The following MAP3K1 variants were observed in gnomAD, a reference collection of about 807,000 sequenced individuals.
MAP3K1 encodes the protein mitogen-activated protein kinase kinase kinase 1, also known as MAP/ERK kinase kinase 1.
In MAP3K1, 36 loss-of-function variants were observed where a neutral mutation model predicts 144.2. The observed-to-expected ratio is 0.25, with a 90% CI of 0.19 to 0.33. The LOEUF (loss-of-function observed/expected upper bound fraction) is 0.33. MAP3K1 is among the 10% of genes least tolerant of loss of function. MAP3K1 has a pLI of 1.00. For synonymous variants in MAP3K1, 718 were observed against 688.7 expected (o/e 1.04, Z -0.67); for missense variants, 1,650 against 1,881.9 (o/e 0.88, Z 2.28).
Position 56,882,691 on chromosome 5 carries a change from A to C in MAP3K1, c.3491A>C (p.Asp1164Ala). Residue 1164 changes from aspartate to alanine, a missense_variant, in exon 14 of 20, where the codon GAT becomes GCT. By Grantham distance (126) the Asp-to-Ala change is moderately radical (BLOSUM62 -2). Transcript: ENST00000399503. ...AVLSPEKAENDDTYKDDVNHN... is the reference protein window; with the variant it reads ...AVLSPEKAENADTYKDDVNHN... The stretch of plus-strand genomic sequence containing the variant: ...CTGTCTCCTGAAAAGGCTGAAAATG[A>C]TGATACCTACAAAGATGATGTGAAT... 1 of 1,614,134 alleles carries C rather than the reference A, an allele frequency of 6.2e-7. No homozygotes were observed. The highest frequency in any genetic ancestry group is 8.5e-7 in the Non-Finnish European group (1 of 1,180,016).
In MAP3K1 at chr5:56,844,194, T is replaced by TTG. The variant is rs1554031944; in HGVS notation, c.483-12405_483-12404insGT. On this transcript the variant is annotated intron_variant, in intron 1 of 19. Coordinates refer to ENST00000399503, the MANE Select transcript of MAP3K1 (RefSeq NM_005921.2). ...GATTGTTTTTTTTGGTTTTTTTTTT[T>TTG]TTTTTTTTTTTTTGAGACAGAGTCT... Among the ~76,000 whole-genome samples, 6 of 136,320 alleles carry TTG rather than the reference T, an allele frequency of 4.4e-5. No individual in the cohort carries two copies. In the East Asian group the frequency reaches 1.0e-3, roughly 23 times the overall value. The allele number at this position is 136,320 out of a possible 152,430, so 89.4% of individuals were successfully genotyped here.
intron 1 of MAP3K1, among the ~76,000 whole-genome samples, chr5:56,829,004 A>G (rs1449801632): frequency 6.6e-6 from 1 of 152,158 alleles, no homozygotes. Flanking sequence ...GTTGACAGCT[A>G]CTAGAAAATG....
At chr5:56,826,611 C>A (rs534727802) in intron 1 of MAP3K1, among the ~76,000 whole-genome samples, 1 of 152,352 alleles carries the variant, frequency 6.6e-6, no homozygotes, top group South Asian at 2.1e-4. Context: ...ACGATGTAAG[C>A]ATCACAAGAT....
At chr5:56,839,987 T>G (rs1467050550) in intron 1 of MAP3K1, among the ~76,000 whole-genome samples, 2 of 152,204 alleles carry the variant, frequency 1.3e-5, no homozygotes, top group Admixed American at 6.5e-5. Context: ...TCTAGAAGTT[T>G]GGTGATGTTT....
chr5:56,847,853 G>A (rs1277538782), intron 1 of MAP3K1, among the ~76,000 whole-genome samples: 1 of 152,110 alleles, frequency 6.6e-6, no homozygotes, highest in African/African-American at 2.4e-5. Flanking sequence ...TGTTCCAGTG[G>A]TGTCTGAAAT....
rs1329673504 is a variant in MAP3K1 at position 56,815,591 on chromosome 5, G to C, written c.18G>C (p.Gly6=). Reference sequence around the variant, plus strand: ...GAGAGAAAATGGCGGCGGCGGCGGGGAATCGCGCCTCGTCGTCGGGATTCC... The same window carrying C: ...GAGAGAAAATGGCGGCGGCGGCGGGCAATCGCGCCTCGTCGTCGGGATTCC... MAAAA[G]NRASSSGFPG... is the part of the protein sequence containing the mutation. Residue 6 remains glycine, a synonymous_variant, in exon 1 of 20, where the codon GGG becomes GGC. Transcript: ENST00000399503. 3.1e-6 allele frequency: 4 copies of C among 1,297,076 alleles called. No homozygotes were observed. Among genetic ancestry groups the C allele is most frequent in the African/African-American group, 3.1e-5 (2 of 64,290 alleles). The allele number at this position is 1,297,076 out of a possible 1,614,324, so 80.3% of individuals were successfully genotyped here.
rs1334509281 is a variant in MAP3K1 at position 56,815,866 on chromosome 5, C to G, written c.293C>G (p.Ala98Gly). 11 of 1,393,610 alleles carry G rather than the reference C, an allele frequency of 7.9e-6. No individual in the cohort carries two copies. In the Admixed American group the frequency reaches 2.9e-4, roughly 36 times the overall value. The allele number at this position is 1,393,610 out of a possible 1,614,324, so 86.3% of individuals were successfully genotyped here. A position where few individuals can be genotyped will look rare whatever the true frequency, so the allele number is the denominator to read the frequency against. ...STSPSPEPAD[A>G]AGSGTGFQPV... The stretch of plus-strand genomic sequence containing the variant: ...TCCCCGTCGCCGGAGCCCGCGGACG[C>G]AGCGGGGAGTGGGACCGGCTTCCAG... The change falls in exon 1 of 20, where the codon GCA becomes GGA. Residue 98 changes from alanine to glycine, a missense_variant. Physicochemically the swap from Ala to Gly is moderately conservative, Grantham distance 60. Transcript: ENST00000399503.
At chr5:56,864,378 C>CT (rs11331657) in intron 3 of MAP3K1, among the ~76,000 whole-genome samples, 63 of 117,232 alleles carry the variant, frequency 5.4e-4, no homozygotes, top group East Asian at 2.2e-3. Flanking sequence ...ATAATAGTTT[C>CT]TTTTTTTTTT....
intron 6 of MAP3K1, among the ~76,000 whole-genome samples, chr5:56,868,673 C>A (rs923900316): frequency 6.6e-6 from 1 of 152,142 alleles, no homozygotes; most frequent in Non-Finnish European, 1.5e-5. Flanking sequence ...CGTGAGCCAC[C>A]GCGCCCGGCC....
chr5:56,838,119 A>C (rs950034028), intron 1 of MAP3K1, among the ~76,000 whole-genome samples: 8 of 152,230 alleles, frequency 5.3e-5, no homozygotes, highest in Non-Finnish European at 1.2e-4. Context: ...TTTCAGGTTG[A>C]TAACTTTGGT....
chr5:56,888,902 G>A (rs1748463599), intron 19 of MAP3K1, among the ~76,000 whole-genome samples: 1 of 152,190 alleles, frequency 6.6e-6, no homozygotes, highest in Admixed American at 6.5e-5. Flanking sequence ...GTATTTCCAG[G>A]AGTTGATATT....
At chr5:56,844,192 T>G (rs890803797) in intron 1 of MAP3K1, among the ~76,000 whole-genome samples, 3 of 134,782 alleles carry the variant, frequency 2.2e-5, no homozygotes, top group South Asian at 2.5e-4. Context: ...GGTTTTTTTT[T>G]TTTTTTTTTT....
At chr5:56,861,041 A>G (rs1183623858) in intron 3 of MAP3K1, among the ~76,000 whole-genome samples, 2 of 152,238 alleles carry the variant, frequency 1.3e-5, no homozygotes, top group Non-Finnish European at 2.9e-5. Flanking sequence ...ATGCTGTATA[A>G]TGAAATATGT....
rs1384726650 is a variant in MAP3K1, at chr5:56,895,546, A to C, written c.*1866A>C. The C allele has an allele frequency of 4.3e-6, 1 of 232,056 alleles. No individual in the cohort carries two copies. Among genetic ancestry groups the C allele is most frequent in the African/African-American group, 2.2e-5 (1 of 45,296 alleles). The allele number at this position is 232,056 out of a possible 1,614,324, so 14.4% of individuals were successfully genotyped here. A position where few individuals can be genotyped will look rare whatever the true frequency, so the allele number is the denominator to read the frequency against. On this transcript the variant is annotated 3_prime_UTR_variant, in exon 20 of 20. Coordinates refer to ENST00000399503, the MANE Select transcript of MAP3K1 (RefSeq NM_005921.2). ...TGTATAAACTGAGGAACCTCAGCTAATCAGTATTACTTTGTAGATCACCAT... is the reference window on the plus strand; with the variant it reads ...TGTATAAACTGAGGAACCTCAGCTACTCAGTATTACTTTGTAGATCACCAT...
rs941132870 is a variant in MAP3K1 at position 56,893,953 on chromosome 5, A to G, written c.*273A>G. 2.1e-6 allele frequency: 1 copy of G among 483,294 alleles called. No homozygotes were observed. The highest frequency in any genetic ancestry group is 3.4e-5 in the East Asian group (1 of 29,492). 29.9% of individuals were successfully genotyped at this position (483,294 alleles called of 1,614,324 possible). On this transcript the variant is annotated 3_prime_UTR_variant, in exon 20 of 20. Transcript: ENST00000399503. ...GGAAAACAATGAAGTTTGCATGACTAAATTGCAGAAGCATAATTTTATTTT... is the reference window on the plus strand; with the variant it reads ...GGAAAACAATGAAGTTTGCATGACTGAATTGCAGAAGCATAATTTTATTTT...
intron 17 of MAP3K1, 97 bp from the exon 18 acceptor site, chr5:56,887,281 T>G: frequency 2.6e-6 from 3 of 1,170,496 alleles, no homozygotes; most frequent in South Asian, 2.5e-5. Context: ...ACTTCTTTCT[T>G]TTGTCATTGT....
In MAP3K1 at chr5:56,896,078, A is replaced by G. The variant is rs1044907713; in HGVS notation, c.*2398A>G. On this transcript the variant is annotated 3_prime_UTR_variant, in exon 20 of 20. Coordinates refer to ENST00000399503, the MANE Select transcript of MAP3K1 (RefSeq NM_005921.2). Reference sequence around the variant, plus strand: ...ATATTTTAATTAAAATTTTTACCCCATTGAACCGATTTTATAGTATTTGTA... The same window carrying G: ...ATATTTTAATTAAAATTTTTACCCCGTTGAACCGATTTTATAGTATTTGTA... 12 of 227,526 alleles carry G rather than the reference A, an allele frequency of 5.3e-5. No individual in the cohort carries two copies. The highest frequency in any genetic ancestry group is 2.7e-4 in the African/African-American group (12 of 44,942). 14.1% of individuals were successfully genotyped at this position (227,526 alleles called of 1,614,324 possible).
At chr5:56,819,717 C>T (rs1581202631) in intron 1 of MAP3K1, among the ~76,000 whole-genome samples, 1 of 152,210 alleles carries the variant, frequency 6.6e-6, no homozygotes, top group African/African-American at 2.4e-5. Flanking sequence ...CTAGAGGCTG[C>T]TTAGGAACTG....
At chr5:56,863,505 A>G (rs935610669) in intron 3 of MAP3K1, among the ~76,000 whole-genome samples, 5 of 152,210 alleles carry the variant, frequency 3.3e-5, no homozygotes, top group Non-Finnish European at 5.9e-5. Flanking sequence ...TTGCAGAGCA[A>G]TATTGTATGG....
Sources: allele counts gnomAD v4.1 joint callset (sites outside exome capture counted in the v4.1 genomes callset), GRCh38; gene constraint gnomAD v4.1.1; transcripts MANE v1.5; gene names NCBI Gene and HGNC (gene_info 2026-07-23, HGNC 2026-07-21).